The following TOGARAM1 variants were observed in gnomAD, a reference collection of about 807,000 sequenced individuals.
TOGARAM1 encodes TOG array regulator of axonemal microtubules 1, also known as TOG array regulator of axonemal microtubules protein 1.
Under a neutral mutation model 166.6 loss-of-function variants are expected in TOGARAM1, and 100 were observed. The ratio of observed to expected loss-of-function variants is 0.60; its 90% CI spans 0.51 to 0.71. TOGARAM1 has a LOEUF of 0.71. Ranked by LOEUF, TOGARAM1 falls within the 30% of genes least tolerant of loss-of-function variation. TOGARAM1 has a pLI of 0.00. For missense variants in TOGARAM1, 2,029 were observed against 2,102.7 expected, an observed-to-expected ratio of 0.96 and a Z score of 0.69; for synonymous variants, 758 against 763.8, an observed-to-expected ratio of 0.99 and a Z score of 0.13.
At chr14:44,987,325 C>T (rs2138779466) in intron 1 of TOGARAM1, among the ~76,000 whole-genome samples, 1 of 152,026 alleles carries the variant, frequency 6.6e-6, no homozygotes, top group East Asian at 1.9e-4. Context: ...AGGCAACCTA[C>T]AGAATGGAGA....
rs1885281066 is a variant in TOGARAM1 at position 44,963,080 on chromosome 14, A to T, written c.659A>T (p.Gln220Leu). 6.2e-7 allele frequency: 1 copy of T among 1,614,148 alleles called. No individual in the cohort carries two copies. ...GGAGAGGTGCTGAGAACGCTTATAC[A>T]ACAAGGACTGGAAAGTACCGATGCC... ...SPGEVLRTLI[Q>L]QGLESTDARL... Residue 220 changes from glutamine (Q) to leucine (L), a missense_variant, in exon 1 of 20, where the codon CAA becomes CTA. Coordinates refer to ENST00000361462, the MANE Select transcript of TOGARAM1 (RefSeq NM_001308120.2).
At chr14:45,063,414 T>G (rs1882988337) in intron 16 of TOGARAM1, among the ~76,000 whole-genome samples, 1 of 152,080 alleles carries the variant, frequency 6.6e-6, no homozygotes, top group South Asian at 2.1e-4. Context: ...GGTTCAATTT[T>G]TTCACATCCT....
At chr14:45,017,934 A>G (rs1011099626) in intron 7 of TOGARAM1, among the ~76,000 whole-genome samples, 1 of 152,218 alleles carries the variant, frequency 6.6e-6, no homozygotes. Context: ...TAAACTTAGT[A>G]GCAAGTAGTA....
At chr14:45,026,938 G>A (rs1360335744) in intron 8 of TOGARAM1, among the ~76,000 whole-genome samples, 2 of 152,106 alleles carry the variant, frequency 1.3e-5, no homozygotes, top group African/African-American at 4.8e-5. Context: ...AGCTTGGGAG[G>A]TGGAGGTTGC....
chr14:44,981,471 C>T (rs921840859), intron 1 of TOGARAM1, among the ~76,000 whole-genome samples: 1 of 152,130 alleles, frequency 6.6e-6, no homozygotes, highest in Non-Finnish European at 1.5e-5. Context: ...TTCAAGGAGT[C>T]ATCAGTGTTA....
intron 16 of TOGARAM1, among the ~76,000 whole-genome samples, chr14:45,064,582 C>T (rs903211841): frequency 2.6e-5 from 4 of 152,174 alleles, no homozygotes; most frequent in African/African-American, 9.6e-5. Flanking sequence ...AGTGTCCTCC[C>T]ACCTTAGCCT....
At chr14:45,036,300 C>T (rs1359716230) in intron 11 of TOGARAM1, among the ~76,000 whole-genome samples, 2 of 151,644 alleles carry the variant, frequency 1.3e-5, no homozygotes, top group Non-Finnish European at 2.9e-5. Flanking sequence ...AAATAGAAAA[C>T]AAACAGCAAG....
Position 45,046,653 on chromosome 14 carries a change from C to T in TOGARAM1, c.4263C>T (p.Arg1421=). ...ILSAAKDMAE[R]ILPAAAKFAQ... is the part of the protein sequence containing the mutation. Reference sequence around the variant, plus strand: ...CTGCAGCAAAGGATATGGCTGAACGCATATTACCAGCTGCTGCTAAGTTTG... The same window carrying T: ...CTGCAGCAAAGGATATGGCTGAACGTATATTACCAGCTGCTGCTAAGTTTG... Residue 1421 remains arginine (R), a synonymous_variant, in exon 14 of 20, where the codon CGC becomes CGT. Coordinates refer to ENST00000361462, the MANE Select transcript of TOGARAM1 (RefSeq NM_001308120.2). The T allele has an allele frequency of 1.5e-6, 2 of 1,350,290 alleles. No individual in the cohort carries two copies. The highest frequency in any genetic ancestry group is 1.9e-6 in the Non-Finnish European group (2 of 1,043,132). The allele number at this position is 1,350,290 out of a possible 1,614,324, so 83.6% of individuals were successfully genotyped here.
intron 14 of TOGARAM1, among the ~76,000 whole-genome samples, chr14:45,047,317 G>A (rs902713452): frequency 6.6e-6 from 1 of 151,604 alleles, no homozygotes; most frequent in African/African-American, 2.4e-5. Context: ...GCTTGAACCC[G>A]GGAGGCGGAG....
chr14:44,998,281 C>A (rs1305026833), intron 2 of TOGARAM1, among the ~76,000 whole-genome samples: 2 of 152,116 alleles, frequency 1.3e-5, no homozygotes, highest in Non-Finnish European at 2.9e-5. Flanking sequence ...AGATTCTAAA[C>A]AACTGGAAAA....
At chr14:45,053,397 G>A (rs945795378) in intron 15 of TOGARAM1, among the ~76,000 whole-genome samples, 3 of 152,090 alleles carry the variant, frequency 2.0e-5, no homozygotes, top group African/African-American at 7.2e-5. Context: ...TCTGATAAAT[G>A]AGTGACTGAG....
intron 7 of TOGARAM1, among the ~76,000 whole-genome samples, chr14:45,016,695 C>T (rs1237625980): frequency 2.6e-5 from 4 of 152,074 alleles, no homozygotes; most frequent in African/African-American, 9.7e-5. Flanking sequence ...CCATACCTGG[C>T]CTCATTGTAA....
intron 1 of TOGARAM1, among the ~76,000 whole-genome samples, chr14:44,981,404 C>T (rs542332909): frequency 3.3e-5 from 5 of 152,048 alleles, no homozygotes; most frequent in Admixed American, 6.5e-5. Context: ...AGTGTGCCCA[C>T]GAGTTGGAAG....
At chr14:45,009,956 T>C (rs1250751909) in intron 6 of TOGARAM1, among the ~76,000 whole-genome samples, 1 of 152,226 alleles carries the variant, frequency 6.6e-6, no homozygotes, top group African/African-American at 2.4e-5. Context: ...AAAATGATTG[T>C]GTAACTTTTA....
chr14:44,988,529 T>TA (rs1886972745), intron 1 of TOGARAM1, among the ~76,000 whole-genome samples: 1 of 152,234 alleles, frequency 6.6e-6, no homozygotes, highest in Admixed American at 6.5e-5. Context: ...GGTACCAAAC[T>TA]ATTAGGAATG....
In TOGARAM1 at chr14:45,004,312, C is replaced by A. The variant is rs762811903; in HGVS notation, c.2590C>A (p.Pro864Thr). Residue 864 changes from proline to threonine, a missense_variant, in exon 4 of 20, where the codon CCA (proline) becomes ACA (threonine). Around this residue, in one of 2 missense-constraint regions of TOGARAM1, gnomAD observed 1,453 missense variants for 1,432.2 expected, o/e 1.01. Transcript: ENST00000361462. Reference sequence around the variant, plus strand: ...CTTCGAAGGACTATCAAAGCCAAGTCCACAGAAGAAGCTTGTCAGCCAAAA... The same window carrying A: ...CTTCGAAGGACTATCAAAGCCAAGTACACAGAAGAAGCTTGTCAGCCAAAA... Reference protein sequence around the residue: ...KSFEGLSKPSPQKKLVSQKSS... With the variant: ...KSFEGLSKPSTQKKLVSQKSS... The A allele has an allele frequency of 6.8e-6, 11 of 1,613,854 alleles. No homozygotes were observed. The East Asian group carries it at 2.5e-4, about 36-fold the overall frequency.
intron 3 of TOGARAM1, among the ~76,000 whole-genome samples, chr14:45,001,756 G>GT (rs1887699663): frequency 6.6e-6 from 1 of 151,956 alleles, no homozygotes; most frequent in Admixed American, 6.6e-5. Flanking sequence ...ATTATTTTCC[G>GT]TAACAGTTTT....
intron 16 of TOGARAM1, among the ~76,000 whole-genome samples, chr14:45,059,357 A>G (rs541549420): frequency 3.3e-5 from 5 of 152,264 alleles, no homozygotes; most frequent in African/African-American, 1.2e-4. Flanking sequence ...ATATATTTTA[A>G]ACACTATTGG....
At position 45,032,273 on chromosome 14, in the gene TOGARAM1, G is replaced by A. The variant is rs1765849402; in HGVS notation, c.3709G>A (p.Val1237Ile). ...ACAGTATAAAGAAAGGATGCCTTCTGTCACTCATAGTCCAGAAATAATGGA... is the reference window on the plus strand; with the variant it reads ...ACAGTATAAAGAAAGGATGCCTTCTATCACTCATAGTCCAGAAATAATGGA... Reference protein sequence around the residue: ...ISQYKERMPSVTHSPEIMDLS... With the variant: ...ISQYKERMPSITHSPEIMDLS... The change falls in exon 11 of 20, where the codon GTC becomes ATC. Residue 1237 changes from valine to isoleucine, a missense_variant. Val to Ile is a conservative substitution (Grantham distance 29). Coordinates refer to ENST00000361462, the MANE Select transcript of TOGARAM1 (RefSeq NM_001308120.2). The A allele has an allele frequency of 1.2e-6, 2 of 1,613,896 alleles. No individual in the cohort carries two copies. Among genetic ancestry groups the A allele is most frequent in the Non-Finnish European group, 1.7e-6 (2 of 1,179,928 alleles).
Sources: gnomAD v4.1 joint callset for allele counts (sites outside exome capture counted in the v4.1 genomes callset) on GRCh38, gnomAD v4.1.1 for gene constraint, gnomAD v4.1.1 regional missense constraint, MANE v1.5 for transcripts, NCBI Gene and HGNC (gene_info 2026-07-23, HGNC 2026-07-21) for gene names.